HMGXB3: variants seen among roughly 807,000 people sequenced by gnomAD.
HMGXB3 encodes the protein HMG-box containing 3, also known as HMG domain-containing protein 3.
Under a neutral mutation model 121.5 loss-of-function variants are expected in HMGXB3, and 45 were observed. The ratio of observed to expected loss-of-function variants is 0.37; its 90% CI spans 0.29 to 0.47. HMGXB3 has a LOEUF of 0.47. Among genes scored for constraint, HMGXB3 ranks in the 20% least tolerant of loss-of-function variants. The pLI, the probability that HMGXB3 is intolerant of heterozygous loss-of-function variation, is 0.99. For missense variants in HMGXB3, 1,376 were observed against 1,602.2 expected, an observed-to-expected ratio of 0.86 and a Z score of 2.41; for synonymous variants, 590 against 624.1, an observed-to-expected ratio of 0.95 and a Z score of 0.81.
chr5:150,029,743 C>A (rs746365084), intron 9 of HMGXB3, among the ~76,000 whole-genome samples: 25 of 152,328 alleles, frequency 1.6e-4, no homozygotes, highest in South Asian at 4.1e-4. Context: ...GTCATGTGTT[C>A]TTTGTCAGTT....
rs964484990 is a variant in HMGXB3 at position 150,024,604 on chromosome 5, C to T, written c.1384C>T (p.Pro462Ser). The change falls in exon 7 of 20, where the codon CCT becomes TCT. Residue 462 changes from proline to serine, a missense_variant. Physicochemically the swap from Pro to Ser is moderately conservative, Grantham distance 74 (BLOSUM62 -1). This residue lies in a region of HMGXB3 where 1,116 missense variants were observed against 1,369.0 expected (regional missense o/e 0.82). Transcript: ENST00000502717. ...VTLGTTDNDSPGADVPTPSEG... is the reference protein window; with the variant it reads ...VTLGTTDNDSSGADVPTPSEG... Reference sequence around the variant, plus strand: ...TCTGGGGACAACTGACAATGACAGTCCTGGAGCAGACGTACCAACACCATC... The same window carrying T: ...TCTGGGGACAACTGACAATGACAGTTCTGGAGCAGACGTACCAACACCATC... 1 of 1,551,728 alleles carries T rather than the reference C, an allele frequency of 6.4e-7. No homozygotes were observed. Among genetic ancestry groups the T allele is most frequent in the South Asian group, 1.2e-5 (1 of 84,048 alleles).
In HMGXB3 at chr5:150,052,269, G is replaced by A. The variant is rs948380483; in HGVS notation, c.*77G>A. On this transcript the variant is annotated 3_prime_UTR_variant, in exon 20 of 20. Coordinates refer to ENST00000502717, the MANE Select transcript of HMGXB3 (RefSeq NM_014983.3). ...TTGCCTGAGGCAGAGCTATCCAGGG[G>A]ACCTGCAGAAGTGGTCTCCTGTGGG... 1.6e-5 allele frequency: 19 copies of A among 1,211,576 alleles called. No homozygotes were observed. The highest frequency in any genetic ancestry group is 1.9e-5 in the Non-Finnish European group (17 of 874,710). 75.1% of individuals were successfully genotyped at this position (1,211,576 alleles called of 1,614,324 possible).
intron 15 of HMGXB3, among the ~76,000 whole-genome samples, chr5:150,042,308 G>C (rs1295801649): frequency 6.6e-6 from 1 of 152,228 alleles, no homozygotes; most frequent in Non-Finnish European, 1.5e-5. Flanking sequence ...TCACTTTCTG[G>C]TTTGGAGGAC....
chr5:150,049,594 G>T (rs936513460), intron 18 of HMGXB3, among the ~76,000 whole-genome samples: 9 of 152,196 alleles, frequency 5.9e-5, no homozygotes, highest in Non-Finnish European at 1.2e-4. Context: ...GCCTGCTCAG[G>T]GAATTGTGTT....
chr5:150,024,237 A>G lies in HMGXB3; in HGVS notation c.1042-25A>G, dbSNP rs536452204. The G allele has an allele frequency of 1.5e-4, 225 of 1,492,954 alleles. 1 individual carries two copies. In the South Asian group the frequency reaches 2.9e-3, roughly 19 times the overall value. 92.5% of individuals were successfully genotyped at this position (1,492,954 alleles called of 1,614,324 possible). A position where few individuals can be genotyped will look rare whatever the true frequency, so the allele number is the denominator to read the frequency against. Reference sequence around the variant, plus strand: ...TCATCAACTGTAAAATCCCTTATGTATACAAGGTATTCTTATTTTTCTAGG... The same window carrying G: ...TCATCAACTGTAAAATCCCTTATGTGTACAAGGTATTCTTATTTTTCTAGG... On this transcript the variant is annotated intron_variant, in intron 6 of 19. Transcript: ENST00000502717.
Position 150,048,645 on chromosome 5 carries a change from A to C in HMGXB3, c.3161A>C (p.His1054Pro), listed in dbSNP as rs536076311. ...NGARAIRPPRHFTGGKIYKVC... is the reference protein window; with the variant it reads ...NGARAIRPPRPFTGGKIYKVC... ...GCTAGAGCTATACGGCCCCCACGTC[A>C]CTTCACAGGTGGTAAAATCTACAAG... The change falls in exon 18 of 20, where the codon CAC becomes CCC. Residue 1054 changes from histidine to proline, a missense_variant. Physicochemically the swap from His to Pro is moderately conservative, Grantham distance 77. Transcript: ENST00000502717. 1.4e-4 allele frequency: 218 copies of C among 1,551,708 alleles called. 3 individuals are homozygous for C. The South Asian group carries it at 2.4e-3, about 17-fold the overall frequency.
intron 15 of HMGXB3, among the ~76,000 whole-genome samples, chr5:150,042,458 G>C (rs1001081542): frequency 7.9e-5 from 12 of 152,184 alleles, no homozygotes; most frequent in African/African-American, 2.9e-4. Context: ...CTCTGATACA[G>C]TAGCATTTGA....
At chr5:150,015,627 A>G (rs1409966687) in intron 5 of HMGXB3, among the ~76,000 whole-genome samples, 1 of 152,180 alleles carries the variant, frequency 6.6e-6, no homozygotes, top group African/African-American at 2.4e-5. Flanking sequence ...ACTGCTATGA[A>G]TTTCCCTCTA....
intron 19 of HMGXB3, 73 bp from the exon 20 acceptor site, chr5:150,051,652 G>A: frequency 8.3e-7 from 1 of 1,209,580 alleles, no homozygotes; most frequent in South Asian, 1.5e-5. Flanking sequence ...TGAGCCTAGA[G>A]TGTTCTCGTC....
Position 150,010,394 on chromosome 5 carries a change from G to A in HMGXB3, c.596G>A (p.Gly199Asp). 1.9e-6 allele frequency: 3 copies of A among 1,551,644 alleles called. No individual in the cohort carries two copies. Among genetic ancestry groups the A allele is most frequent in the South Asian group, 1.2e-5 (1 of 84,056 alleles). The change falls in exon 4 of 20, where the codon GGT (glycine) becomes GAT (aspartate). Residue 199 changes from glycine (G) to aspartate (D), a missense_variant. Around this residue, in one of 2 missense-constraint regions of HMGXB3, gnomAD observed 1,116 missense variants for 1,369.0 expected, o/e 0.82. Transcript: ENST00000502717. ...GAGGTGGGAGCCCTTACCCAGTCAG[G>A]TGCTGTACAGGAGATTGCCACCTCA... ...AEEVGALTQS[G>D]AVQEIATSEI...
chr5:150,043,069 G>A (rs1228130752), intron 15 of HMGXB3, among the ~76,000 whole-genome samples: 1 of 152,172 alleles, frequency 6.6e-6, no homozygotes, highest in African/African-American at 2.4e-5. Flanking sequence ...GGTTGTTTCA[G>A]CAGTAGGAAA....
intron 1 of HMGXB3, among the ~76,000 whole-genome samples, chr5:150,004,145 A>G (rs924936380): frequency 6.6e-6 from 1 of 151,878 alleles, no homozygotes; most frequent in Non-Finnish European, 1.5e-5. Flanking sequence ...AAGTGCTGAG[A>G]TTATAGGCGT....
intron 9 of HMGXB3, among the ~76,000 whole-genome samples, chr5:150,028,528 T>TGTGC (rs1400095824): frequency 1.5e-5 from 1 of 66,030 alleles, no homozygotes; most frequent in Non-Finnish European, 2.9e-5. Flanking sequence ...TGTGTGTGTG[T>TGTGC]GTGTGTGTGT....
At position 150,052,488 on chromosome 5, in the gene HMGXB3, G is replaced by C; in HGVS notation, c.*296G>C. The C allele has an allele frequency of 2.7e-6, 1 of 371,658 alleles. No homozygotes were observed. The highest frequency in any genetic ancestry group is 3.9e-5 in the South Asian group (1 of 25,560). 23.0% of individuals were successfully genotyped at this position (371,658 alleles called of 1,614,324 possible). ...TGAGGGAAAGGCTCGTAGCTGGTGG[G>C]TTCCGTGGGGCCTGCGGTGTGGGTC... On this transcript the variant is annotated 3_prime_UTR_variant, in exon 20 of 20. Transcript: ENST00000502717.
chr5:150,047,049 C>T, intron 16 of HMGXB3, among the ~76,000 whole-genome samples: 1 of 151,774 alleles, frequency 6.6e-6, no homozygotes, highest in East Asian at 2.0e-4. Flanking sequence ...CACACCACCA[C>T]ACCTGGCTAA....
chr5:150,042,174 A>T (rs1439123947), intron 15 of HMGXB3, among the ~76,000 whole-genome samples: 2 of 152,222 alleles, frequency 1.3e-5, no homozygotes, highest in Admixed American at 1.3e-4. Flanking sequence ...TCACTTGAAA[A>T]ATGTATTTAT....
chr5:150,021,959 G>A (rs1001380585), intron 6 of HMGXB3: 14 of 448,990 alleles, frequency 3.1e-5, no homozygotes, highest in African/African-American at 2.0e-4. Flanking sequence ...GTTCCTTGGC[G>A]AGAGAGAACA....
chr5:150,034,231 C>A (rs1316474958), intron 11 of HMGXB3, among the ~76,000 whole-genome samples: 1 of 152,192 alleles, frequency 6.6e-6, no homozygotes, highest in African/African-American at 2.4e-5. Flanking sequence ...AAGTGCTCTT[C>A]TTGCCATAGC....
chr5:150,032,291 G>C (rs1756398523), intron 10 of HMGXB3, among the ~76,000 whole-genome samples, 163 bp from the exon 11 acceptor site: 2 of 152,228 alleles, frequency 1.3e-5, no homozygotes, highest in Non-Finnish European at 2.9e-5. Flanking sequence ...AAAAGTAAAA[G>C]AGTTAACTGC....
Sources: gnomAD v4.1 joint callset for allele counts (sites outside exome capture counted in the v4.1 genomes callset) on GRCh38, gnomAD v4.1.1 for gene constraint, gnomAD v4.1.1 regional missense constraint, MANE v1.5 for transcripts, NCBI Gene and HGNC (gene_info 2026-07-23, HGNC 2026-07-21) for gene names.